Variants in C1orf146 observed in about 807,000 individuals in gnomAD.
The protein encoded by C1orf146 is chromosome 1 open reading frame 146.
In C1orf146, 22 loss-of-function variants were observed where a neutral mutation model predicts 23.0. That is an observed-to-expected ratio of 0.96 (90% CI 0.68 to 1.36). The LOEUF (loss-of-function observed/expected upper bound fraction) is 1.36, where lower values mean the gene tolerates loss of function less well. Among genes scored for constraint, C1orf146 ranks in the 40% most tolerant of loss-of-function variants. C1orf146 has a pLI of 0.00. For missense variants in C1orf146, 199 were observed against 206.8 expected (o/e 0.96, Z 0.23); for synonymous variants, 59 against 65.3 (o/e 0.90, Z 0.47).
At chr1:92,222,535 GTTTTTTTTT>G in intron 1 of C1orf146, among the ~76,000 whole-genome samples, 4 of 60,570 alleles carry the variant, frequency 6.6e-5, no homozygotes, top group African/African-American at 2.1e-4. Flanking sequence ...CCCTTCTTCG[GTTTTTTTTT>G]TTTTTTTTTT....
intron 1 of C1orf146, among the ~76,000 whole-genome samples, chr1:92,229,608 G>A (rs774545473): frequency 1.2e-4 from 19 of 152,086 alleles, no homozygotes; most frequent in Non-Finnish European, 2.2e-4. Context: ...AGAACAAGAT[G>A]GCTGCCCAGG....
chr1:92,237,794 T>A (rs1045855647), intron 2 of C1orf146, among the ~76,000 whole-genome samples: 5 of 152,242 alleles, frequency 3.3e-5, no homozygotes, highest in African/African-American at 9.6e-5. Context: ...TAAGTTGAAC[T>A]TTATGAAATT....
At chr1:92,231,189 T>G (rs1043229514) in intron 1 of C1orf146, among the ~76,000 whole-genome samples, 193 bp from the exon 2 acceptor site, 1 of 152,214 alleles carries the variant, frequency 6.6e-6, no homozygotes, top group African/African-American at 2.4e-5. Flanking sequence ...AATCATTGCT[T>G]TTGATACTTG....
chr1:92,240,249 A>G (rs1023074638), intron 2 of C1orf146, among the ~76,000 whole-genome samples: 10 of 152,228 alleles, frequency 6.6e-5, no homozygotes, highest in African/African-American at 9.6e-5. Flanking sequence ...CTGAGCTGGC[A>G]GATGCCCTCA....
intron 1 of C1orf146, among the ~76,000 whole-genome samples, chr1:92,225,961 A>G (rs1022147952): frequency 6.6e-6 from 1 of 152,192 alleles, no homozygotes; most frequent in Non-Finnish European, 1.5e-5. Flanking sequence ...AATCTTATCC[A>G]TTCACATTTT....
intron 2 of C1orf146, among the ~76,000 whole-genome samples, chr1:92,239,448 G>A (rs1185044989): frequency 6.6e-6 from 1 of 152,072 alleles, no homozygotes; most frequent in Non-Finnish European, 1.5e-5. Context: ...TAAAATACAG[G>A]ACACTCAAGT....
chr1:92,231,439 G>T lies in C1orf146; in HGVS notation c.19G>T (p.Glu7Ter). Residue 7 changes from glutamate to a stop codon, truncating the protein, a stop_gained, in exon 2 of 6, where the codon GAA becomes TAA. Coordinates refer to ENST00000370375, the MANE Select transcript of C1orf146 (RefSeq NM_001012425.2). LOFTEE classifies it high-confidence loss of function. MAESGKEKIKWTTTIII... is the reference protein window; with the variant it reads MAESGK ...CAGACAGATGGCTGAAAGTGGAAAA[G>T]AAAAAATAAAATGGACAACCACCAT... 1.2e-6 allele frequency: 2 copies of T among 1,610,294 alleles called. No homozygotes were observed. Among genetic ancestry groups the T allele is most frequent in the Non-Finnish European group, 1.7e-6 (2 of 1,178,536 alleles).
intron 3 of C1orf146, among the ~76,000 whole-genome samples, chr1:92,243,186 A>G (rs1374163283): frequency 3.3e-5 from 5 of 152,198 alleles, no homozygotes; most frequent in East Asian, 3.8e-4. Flanking sequence ...AAGTTGCCCA[A>G]GTTTACTCAA....
chr1:92,225,282 T>C (rs898844898), intron 1 of C1orf146, among the ~76,000 whole-genome samples: 9 of 152,060 alleles, frequency 5.9e-5, no homozygotes, highest in Non-Finnish European at 1.2e-4. Flanking sequence ...ATTTTTGTAC[T>C]TTTTTGTAGA....
intron 1 of C1orf146, among the ~76,000 whole-genome samples, chr1:92,228,563 G>C (rs1652026627): frequency 6.6e-6 from 1 of 152,132 alleles, no homozygotes; most frequent in Non-Finnish European, 1.5e-5. Flanking sequence ...CAGATTGTCT[G>C]ATTGAAAGGA....
chr1:92,222,535 GTTT>G, intron 1 of C1orf146, among the ~76,000 whole-genome samples: 3 of 60,568 alleles, frequency 5.0e-5, no homozygotes, highest in East Asian at 7.1e-4. Flanking sequence ...CCCTTCTTCG[GTTT>G]TTTTTTTTTT....
chr1:92,244,350 T>C lies in C1orf146; in HGVS notation c.294T>C (p.Pro98=). ...FLVLSAALHG[P]EEWKLMFRIQ... ...TTTTGTCTGCTGCCCTCCATGGGCC[T>C]GAAGAATGGAAACTGATGTTCAGGA... Residue 98 remains proline (P), a synonymous_variant, in exon 4 of 6, where the codon CCT becomes CCC. Transcript: ENST00000370375. The C allele has an allele frequency of 6.2e-7, 1 of 1,610,218 alleles. No homozygotes were observed. The highest frequency in any genetic ancestry group is 8.5e-7 in the Non-Finnish European group (1 of 1,178,904).
chr1:92,237,746 CA>C (rs1273276820), intron 2 of C1orf146, among the ~76,000 whole-genome samples: 1 of 152,192 alleles, frequency 6.6e-6, no homozygotes, highest in Non-Finnish European at 1.5e-5. Flanking sequence ...TATATTTTTA[CA>C]AACATTTGCC....
intron 1 of C1orf146, 70 bp from the exon 2 acceptor site, chr1:92,231,312 T>G: frequency 1.4e-6 from 1 of 725,796 alleles, no homozygotes; most frequent in Admixed American, 2.9e-5. Flanking sequence ...TACCCTAGTT[T>G]TATTTCCATC....
rs1031896245 is a variant in C1orf146, at chr1:92,230,548, G to A, written c.-39-834G>A. On this transcript the variant is annotated intron_variant, in intron 1 of 5. Coordinates refer to ENST00000370375, the MANE Select transcript of C1orf146 (RefSeq NM_001012425.2). ...GGAGAATGGCATGAACCTGGGAGGC[G>A]GAGCTTGCAGTGAGCCGAGATTGCA... Among the ~76,000 whole-genome samples the A allele has an allele frequency of 4.6e-5, 7 of 151,600 alleles. No individual in the cohort carries two copies. In the East Asian group the frequency reaches 5.8e-4, roughly 13 times the overall value.
chr1:92,229,497 TC>T, intron 1 of C1orf146: 3 of 455,524 alleles, frequency 6.6e-6, no homozygotes, highest in Non-Finnish European at 8.6e-6. Flanking sequence ...TGTACCCTTG[TC>T]CCCATTCTGG....
intron 2 of C1orf146, 82 bp from the exon 3 acceptor site, chr1:92,242,130 A>G (rs529860653): frequency 6.7e-5 from 43 of 642,426 alleles, no homozygotes; most frequent in Admixed American, 2.7e-4. Flanking sequence ...AAAACAACAT[A>G]TTAAACTTTT....
chr1:92,222,749 G>A (rs1036672060), intron 1 of C1orf146, among the ~76,000 whole-genome samples: 4 of 151,572 alleles, frequency 2.6e-5, no homozygotes, highest in African/African-American at 7.3e-5. Flanking sequence ...ACCACGCCCG[G>A]CTAATTTTTT....
At chr1:92,218,483 C>CA (rs143763620) in intron 1 of C1orf146, among the ~76,000 whole-genome samples, 8,527 of 152,198 alleles carry the variant, frequency 0.056, 338 homozygotes, top group Non-Finnish European at 0.082. Context: ...ACAGTAGCAA[C>CA]AAAAGCCCAG....
Sources: allele counts gnomAD v4.1 joint callset (sites outside exome capture counted in the v4.1 genomes callset), GRCh38; gene constraint gnomAD v4.1.1; transcripts MANE v1.5; gene names NCBI Gene and HGNC (gene_info 2026-07-23, HGNC 2026-07-21).